CFL2: variants seen among roughly 807,000 people sequenced by gnomAD.
CFL2 encodes cofilin 2.
In CFL2, 10 loss-of-function variants were observed where a neutral mutation model predicts 19.6. The observed-to-expected ratio is 0.51, with a 90% CI of 0.31 to 0.86. The LOEUF is 0.86. CFL2 is among the 40% of genes least tolerant of loss of function. CFL2 has a pLI of 0.04. For synonymous variants in CFL2, 63 were observed against 66.7 expected (o/e 0.95, Z 0.27); for missense variants, 125 against 192.1 (o/e 0.65, Z 2.06).
chr14:34,714,369 G>T, intron 1 of CFL2, 169 bp downstream of exon 1: 2 of 1,152,514 alleles, frequency 1.7e-6, no homozygotes, highest in Non-Finnish European at 1.2e-6. Flanking sequence ...GCAGGGCAGG[G>T]CCTGACGGCC....
chr14:34,711,164 T>G lies in CFL2; in HGVS notation c.*1701A>C, dbSNP rs1313894234. ...AAAATCTAATTATACTAAAATTACT[T>G]CCACACATTCAAAAAAAATTTTTAA... On this transcript the variant is annotated 3_prime_UTR_variant, in exon 4 of 4. Transcript: ENST00000298159. The G allele has an allele frequency of 4.4e-6, 2 of 453,920 alleles. No homozygotes were observed. Among genetic ancestry groups the G allele is most frequent in the Non-Finnish European group, 8.8e-6 (2 of 226,768 alleles). The allele number at this position is 453,920 out of a possible 1,614,324, so 28.1% of individuals were successfully genotyped here. A position where few individuals can be genotyped will look rare whatever the true frequency, so the allele number is the denominator to read the frequency against.
chr14:34,712,049 T>C lies in CFL2; in HGVS notation c.*816A>G, dbSNP rs1288499715. ...AATTTTTATTGCAACGTGGCCATTTTTGTGAGGGTGGGGAGTTTGATCTCA... is the reference window on the plus strand; with the variant it reads ...AATTTTTATTGCAACGTGGCCATTTCTGTGAGGGTGGGGAGTTTGATCTCA... On this transcript the variant is annotated 3_prime_UTR_variant, in exon 4 of 4. Transcript: ENST00000298159. 1 of 454,440 alleles carries C rather than the reference T, an allele frequency of 2.2e-6. No homozygotes were observed. The allele number at this position is 454,440 out of a possible 1,614,324, so 28.2% of individuals were successfully genotyped here.
Position 34,712,208 on chromosome 14 carries a change from G to A in CFL2, c.*657C>T, listed in dbSNP as rs766988360. The A allele has an allele frequency of 4.4e-6, 2 of 454,176 alleles. No individual in the cohort carries two copies. Among genetic ancestry groups the A allele is most frequent in the South Asian group, 1.6e-5 (1 of 64,478 alleles). 28.1% of individuals were successfully genotyped at this position (454,176 alleles called of 1,614,324 possible). On this transcript the variant is annotated 3_prime_UTR_variant, in exon 4 of 4. Coordinates refer to ENST00000298159, the MANE Select transcript of CFL2 (RefSeq NM_138638.5). ...CTTATTCAGTAGTGTACACTCAATG[G>A]AAAACAAAAAGGCATTAATAACAGC...
rs1232952260 is a variant in CFL2 at position 34,712,159 on chromosome 14, C to T, written c.*706G>A. 1 of 454,392 alleles carries T rather than the reference C, an allele frequency of 2.2e-6. No individual in the cohort carries two copies. Among genetic ancestry groups the T allele is most frequent in the African/African-American group, 2.0e-5 (1 of 50,004 alleles). The allele number at this position is 454,392 out of a possible 1,614,324, so 28.1% of individuals were successfully genotyped here. A position where few individuals can be genotyped will look rare whatever the true frequency, so the allele number is the denominator to read the frequency against. ...AATATCTTTAGTGTTGCAGGACTCA[C>T]ATGGTAAACATAAAACTCCTACACT... is the stretch of plus-strand genomic sequence containing the variant. On this transcript the variant is annotated 3_prime_UTR_variant, in exon 4 of 4. Coordinates refer to ENST00000298159, the MANE Select transcript of CFL2 (RefSeq NM_138638.5).
intron 1 of CFL2, chr14:34,714,331 C>CA: frequency 1.2e-6 from 1 of 835,246 alleles, no homozygotes; most frequent in East Asian, 3.4e-5. Flanking sequence ...CGCCCGGGCC[C>CA]TCCCCGCCCC....
rs1885228142 is a variant in CFL2 at position 34,709,855 on chromosome 14, T to C, written c.*3010A>G. 1 of 149,302 alleles carries C rather than the reference T, an allele frequency of 6.7e-6. No individual in the cohort carries two copies. The highest frequency in any genetic ancestry group is 1.5e-5 in the Non-Finnish European group (1 of 67,434). 9.2% of individuals were successfully genotyped at this position (149,302 alleles called of 1,614,324 possible). On this transcript the variant is annotated 3_prime_UTR_variant, in exon 4 of 4. Coordinates refer to ENST00000298159, the MANE Select transcript of CFL2 (RefSeq NM_138638.5). Reference sequence around the variant, plus strand: ...TGCCCACCTCTAGTAGCTTTAATACTATTCATAAAAAAATGAACATTCACG... The same window carrying C: ...TGCCCACCTCTAGTAGCTTTAATACCATTCATAAAAAAATGAACATTCACG...
intron 1 of CFL2, chr14:34,714,053 C>A (rs191849882): frequency 4.8e-6 from 2 of 420,402 alleles, no homozygotes; most frequent in Admixed American, 3.9e-5. Flanking sequence ...CATGCAGACA[C>A]TCCAAAACTA....
chr14:34,711,545 T>C lies in CFL2; in HGVS notation c.*1320A>G. 2.2e-6 allele frequency: 1 copy of C among 454,484 alleles called. No individual in the cohort carries two copies. The highest frequency in any genetic ancestry group is 4.4e-6 in the Non-Finnish European group (1 of 226,772). The allele number at this position is 454,484 out of a possible 1,614,324, so 28.2% of individuals were successfully genotyped here. On this transcript the variant is annotated 3_prime_UTR_variant, in exon 4 of 4. Coordinates refer to ENST00000298159, the MANE Select transcript of CFL2 (RefSeq NM_138638.5). ...TAGGTGAAATGACTGTTCCGAAACA[T>C]CAGAAGTATCATTAAACTTTTAAAG...
rs942151403 is a variant in CFL2 at position 34,710,397 on chromosome 14, A to G, written c.*2468T>C. ...TCTTTGATCTGAAATACCAGTTTTT[A>G]AACTTTTAATGTTCTGAAGTATAAG... On this transcript the variant is annotated 3_prime_UTR_variant, in exon 4 of 4. Coordinates refer to ENST00000298159, the MANE Select transcript of CFL2 (RefSeq NM_138638.5). The G allele has an allele frequency of 1.7e-5, 5 of 301,638 alleles. No homozygotes were observed. Among genetic ancestry groups the G allele is most frequent in the African/African-American group, 9.0e-5 (4 of 44,452 alleles). The allele number at this position is 301,638 out of a possible 1,614,324, so 18.7% of individuals were successfully genotyped here. A position where few individuals can be genotyped will look rare whatever the true frequency, so the allele number is the denominator to read the frequency against.
Position 34,711,410 on chromosome 14 carries a change from T to A in CFL2, c.*1455A>T, listed in dbSNP as rs1168970446. 2.2e-6 allele frequency: 1 copy of A among 454,542 alleles called. No homozygotes were observed. Among genetic ancestry groups the A allele is most frequent in the Admixed American group, 2.3e-5 (1 of 42,572 alleles). The allele number at this position is 454,542 out of a possible 1,614,324, so 28.2% of individuals were successfully genotyped here. Reference sequence around the variant, plus strand: ...ACCGCTCACACTGAGCAGATCAAATTCTCTATAAGGAGCACAGTCTGGACC... The same window carrying A: ...ACCGCTCACACTGAGCAGATCAAATACTCTATAAGGAGCACAGTCTGGACC... On this transcript the variant is annotated 3_prime_UTR_variant, in exon 4 of 4. Coordinates refer to ENST00000298159, the MANE Select transcript of CFL2 (RefSeq NM_138638.5).
In CFL2 at chr14:34,709,253, G is replaced by A. The variant is rs1315457035; in HGVS notation, c.*3612C>T. On this transcript the variant is annotated 3_prime_UTR_variant, in exon 4 of 4. Coordinates refer to ENST00000298159, the MANE Select transcript of CFL2 (RefSeq NM_138638.5). ...TCCATATTTAGTACTCAGGAAACAT[G>A]GTAAACAGATATTACCGTTCCCATA... 1.3e-5 allele frequency: 2 copies of A among 151,910 alleles called. No individual in the cohort carries two copies. The highest frequency in any genetic ancestry group is 2.9e-5 in the Non-Finnish European group (2 of 67,998). The allele number at this position is 151,910 out of a possible 1,614,324, so 9.4% of individuals were successfully genotyped here. A position where few individuals can be genotyped will look rare whatever the true frequency, so the allele number is the denominator to read the frequency against.
At position 34,711,441 on chromosome 14, in the gene CFL2, C is replaced by G; in HGVS notation, c.*1424G>C. ...TAAGGAGCACAGTCTGGACCATAGC[C>G]AAATCCCACTACTAATGTTTAAGAC... On this transcript the variant is annotated 3_prime_UTR_variant, in exon 4 of 4. Coordinates refer to ENST00000298159, the MANE Select transcript of CFL2 (RefSeq NM_138638.5). The G allele has an allele frequency of 2.2e-6, 1 of 451,698 alleles. No individual in the cohort carries two copies. The highest frequency in any genetic ancestry group is 6.9e-4 in the Middle Eastern group (1 of 1,440). The allele number at this position is 451,698 out of a possible 1,614,324, so 28.0% of individuals were successfully genotyped here. A position where few individuals can be genotyped will look rare whatever the true frequency, so the allele number is the denominator to read the frequency against.
In CFL2 at chr14:34,713,397, C is replaced by G. The variant is rs139506764; in HGVS notation, c.168G>C (p.Leu56Phe). 3 of 1,614,084 alleles carry G rather than the reference C, an allele frequency of 1.9e-6. No homozygotes were observed. Among genetic ancestry groups the G allele is most frequent in the Non-Finnish European group, 2.5e-6 (3 of 1,180,002 alleles). ...QIIVEEAKQI[L>F]VGDIGDTVED... ...CTACAGTATCACCAATGTCACCCAC[C>G]AAGATCTGCTTTGCTTCCTCTACAA... The change falls in exon 2 of 4, where the codon TTG (leucine) becomes TTC (phenylalanine). Residue 56 changes from leucine (L) to phenylalanine (F), a missense_variant. By Grantham distance (22) the Leu-to-Phe change is conservative. Transcript: ENST00000298159.
chr14:34,714,257 G>C (rs1885417879), intron 1 of CFL2: 2 of 447,908 alleles, frequency 4.5e-6, no homozygotes, highest in South Asian at 4.5e-5. Context: ...CGGCGCGAGC[G>C]GCTGCAGTCC....
At position 34,710,455 on chromosome 14, in the gene CFL2, T is replaced by C. The variant is rs1885244064; in HGVS notation, c.*2410A>G. ...ATCTCAACAGCTTTACATATTTTCATATATTTTATTTTTTAAACTCTCATA... is the reference window on the plus strand; with the variant it reads ...ATCTCAACAGCTTTACATATTTTCACATATTTTATTTTTTAAACTCTCATA... On this transcript the variant is annotated 3_prime_UTR_variant, in exon 4 of 4. Transcript: ENST00000298159. 4.7e-6 allele frequency: 2 copies of C among 423,716 alleles called. No individual in the cohort carries two copies. Among genetic ancestry groups the C allele is most frequent in the Non-Finnish European group, 9.2e-6 (2 of 216,718 alleles). The allele number at this position is 423,716 out of a possible 1,614,324, so 26.2% of individuals were successfully genotyped here.
At position 34,712,002 on chromosome 14, in the gene CFL2, G is replaced by C; in HGVS notation, c.*863C>G. The C allele has an allele frequency of 2.2e-6, 1 of 454,394 alleles. No individual in the cohort carries two copies. Among genetic ancestry groups the C allele is most frequent in the Non-Finnish European group, 4.4e-6 (1 of 226,748 alleles). 28.1% of individuals were successfully genotyped at this position (454,394 alleles called of 1,614,324 possible). On this transcript the variant is annotated 3_prime_UTR_variant, in exon 4 of 4. Coordinates refer to ENST00000298159, the MANE Select transcript of CFL2 (RefSeq NM_138638.5). ...TTGCAAAATTTCCAAGGAAAACAAG[G>C]CAACGTTCTGTAATATGCCACAATT...
In CFL2 at chr14:34,712,241, T is replaced by A. The variant is rs895287320; in HGVS notation, c.*624A>T. On this transcript the variant is annotated 3_prime_UTR_variant, in exon 4 of 4. Coordinates refer to ENST00000298159, the MANE Select transcript of CFL2 (RefSeq NM_138638.5). ...AAAGGCATTAATAACAGCTATTTCT[T>A]TTAAGAAGATATGCAGGTAACAGGA... The A allele has an allele frequency of 4.4e-6, 2 of 454,548 alleles. No individual in the cohort carries two copies. Among genetic ancestry groups the A allele is most frequent in the Admixed American group, 4.7e-5 (2 of 42,578 alleles). The allele number at this position is 454,548 out of a possible 1,614,324, so 28.2% of individuals were successfully genotyped here.
chr14:34,710,596 C>A lies in CFL2; in HGVS notation c.*2269G>T, dbSNP rs1240152205. The A allele has an allele frequency of 2.3e-6, 1 of 432,814 alleles. No individual in the cohort carries two copies. The highest frequency in any genetic ancestry group is 4.6e-6 in the Non-Finnish European group (1 of 218,108). 26.8% of individuals were successfully genotyped at this position (432,814 alleles called of 1,614,324 possible). A position where few individuals can be genotyped will look rare whatever the true frequency, so the allele number is the denominator to read the frequency against. ...ATAAATGATTGTAAAATAAAATGATCATTTCAAATGCCAAATTAATCTCAA... is the reference window on the plus strand; with the variant it reads ...ATAAATGATTGTAAAATAAAATGATAATTTCAAATGCCAAATTAATCTCAA... On this transcript the variant is annotated 3_prime_UTR_variant, in exon 4 of 4. Coordinates refer to ENST00000298159, the MANE Select transcript of CFL2 (RefSeq NM_138638.5).
chr14:34,713,936 G>T, intron 1 of CFL2: 1 of 880,986 alleles, frequency 1.1e-6, no homozygotes, highest in Non-Finnish European at 1.7e-6. Context: ...TTCAGTTAAT[G>T]CTTCTACTAT....
Sources: gnomAD v4.1 joint callset for allele counts on GRCh38, gnomAD v4.1.1 for gene constraint, MANE v1.5 for transcripts, NCBI Gene and HGNC (gene_info 2026-07-23, HGNC 2026-07-21) for gene names.